Variants in ZNF521 observed in about 807,000 individuals in gnomAD.
ZNF521 encodes LYST-interacting protein 3.
A neutral mutation model predicts 105.5 loss-of-function variants in ZNF521; 14 were observed. The ratio of observed to expected loss-of-function variants is 0.13; its 90% CI spans 0.09 to 0.21. The LOEUF (loss-of-function observed/expected upper bound fraction) is 0.21, where lower values mean the gene tolerates loss of function less well. Ranked by LOEUF, ZNF521 falls within the 10% of genes least tolerant of loss-of-function variation. The pLI, the probability that ZNF521 is intolerant of heterozygous loss-of-function variation, is 1.00. For synonymous variants in ZNF521, 635 were observed against 606.0 expected, an observed-to-expected ratio of 1.05 and a Z score of -0.70; for missense variants, 1,233 against 1,629.7, an observed-to-expected ratio of 0.76 and a Z score of 4.19.
chr18:25,342,530 G>A (rs1051699635), intron 2 of ZNF521, among the ~76,000 whole-genome samples: 9 of 141,500 alleles, frequency 6.4e-5, no homozygotes, highest in Non-Finnish European at 9.4e-5. Context: ...CCAGGTTCCC[G>A]CCATTCTCCT....
Position 25,192,921 on chromosome 18 carries a change from CAATT to C in ZNF521, c.3658+2235_3658+2238del, listed in dbSNP as rs2035844058. 1.3e-5 allele frequency among the ~76,000 whole-genome samples: 2 copies of C among 151,938 alleles called. 1 individual carries two copies. Among genetic ancestry groups the C allele is most frequent in the Non-Finnish European group, 2.9e-5 (2 of 67,974 alleles). On this transcript the variant is annotated intron_variant, in intron 5 of 7. Coordinates refer to ENST00000361524, the MANE Select transcript of ZNF521 (RefSeq NM_015461.3). ...TTGGATGCATGGTCAACAAATAAAA[CAATT>C]AAATGGATGCTACTCATTTGTTTAG... is the stretch of plus-strand genomic sequence containing the variant.
chr18:25,303,589 C>T (rs1018947489), intron 3 of ZNF521, among the ~76,000 whole-genome samples: 4 of 152,130 alleles, frequency 2.6e-5, no homozygotes, highest in Admixed American at 1.3e-4. Flanking sequence ...AGCCACCACG[C>T]CTGGCCTGAA....
chr18:25,221,511 T>C (rs1184135467), intron 4 of ZNF521, among the ~76,000 whole-genome samples: 2 of 152,218 alleles, frequency 1.3e-5, no homozygotes, highest in Admixed American at 6.5e-5. Flanking sequence ...ACCATACCTA[T>C]GTATCCAGGT....
intron 2 of ZNF521, among the ~76,000 whole-genome samples, chr18:25,322,624 T>C (rs1913003420): frequency 6.6e-6 from 1 of 151,358 alleles, no homozygotes; most frequent in South Asian, 2.1e-4. Flanking sequence ...TTACCAGAAT[T>C]AGCCAAAAGT....
intron 2 of ZNF521, among the ~76,000 whole-genome samples, chr18:25,329,321 T>A (rs1294825430): frequency 1.3e-5 from 2 of 152,126 alleles, no homozygotes; most frequent in Non-Finnish European, 2.9e-5. Context: ...TTTCTGCATA[T>A]GTTATTTCAT....
chr18:25,213,514 TTC>T (rs2036229615), intron 4 of ZNF521, among the ~76,000 whole-genome samples: 1 of 152,020 alleles, frequency 6.6e-6, no homozygotes, highest in Non-Finnish European at 1.5e-5. Flanking sequence ...TCATAATGTA[TTC>T]TCTTTTTTAT....
At chr18:25,094,641 T>C (rs1372563909) in intron 5 of ZNF521, among the ~76,000 whole-genome samples, 1 of 152,146 alleles carries the variant, frequency 6.6e-6, no homozygotes, top group Non-Finnish European at 1.5e-5. Context: ...CTGTGAGGTC[T>C]TTCCTAGTTA....
At chr18:25,330,620 C>A (rs908762330) in intron 2 of ZNF521, among the ~76,000 whole-genome samples, 1 of 152,096 alleles carries the variant, frequency 6.6e-6, no homozygotes, top group Non-Finnish European at 1.5e-5. Context: ...AACTGAAAAC[C>A]AAAAGAGACA....
chr18:25,189,182 C>A (rs1484531340), intron 5 of ZNF521, among the ~76,000 whole-genome samples: 1 of 152,098 alleles, frequency 6.6e-6, no homozygotes, highest in Non-Finnish European at 1.5e-5. Context: ...CTTTGAGTTT[C>A]TTTTAAATTG....
At chr18:25,254,029 G>A (rs1487533860) in intron 3 of ZNF521, among the ~76,000 whole-genome samples, 9 of 152,080 alleles carry the variant, frequency 5.9e-5, no homozygotes, top group South Asian at 2.1e-4. Context: ...ATTTTACAGC[G>A]GGAAGCAGCA....
At chr18:25,082,750 G>A (rs1181591164) in intron 7 of ZNF521, 3 of 344,584 alleles carry the variant, frequency 8.7e-6, no homozygotes, top group Admixed American at 3.5e-5. Context: ...GCTAAGGCAG[G>A]AGAATTGCTT....
chr18:25,317,336 A>G (rs1912694560), intron 3 of ZNF521, among the ~76,000 whole-genome samples: 1 of 152,180 alleles, frequency 6.6e-6, no homozygotes, highest in South Asian at 2.1e-4. Context: ...AGGTATTATT[A>G]AAGTTGTATG....
At chr18:25,301,157 A>T (rs1045964539) in intron 3 of ZNF521, among the ~76,000 whole-genome samples, 2 of 152,180 alleles carry the variant, frequency 1.3e-5, no homozygotes, top group African/African-American at 4.8e-5. Context: ...TACATTAGAG[A>T]TGTATTTAAA....
chr18:25,139,773 G>A (rs1354792149), intron 5 of ZNF521, among the ~76,000 whole-genome samples: 1 of 152,176 alleles, frequency 6.6e-6, no homozygotes, highest in African/African-American at 2.4e-5. Flanking sequence ...TGGACTGAAT[G>A]TGTATGTCTC....
At position 25,195,304 on chromosome 18, in the gene ZNF521, T is replaced by C. The variant is rs2035884302; in HGVS notation, c.3574-60A>G. 2.2e-6 allele frequency: 3 copies of C among 1,343,954 alleles called. No individual in the cohort carries two copies. In the East Asian group the frequency reaches 7.5e-5, roughly 34 times the overall value. 83.3% of individuals were successfully genotyped at this position (1,343,954 alleles called of 1,614,324 possible). On this transcript the variant is annotated intron_variant, in intron 4 of 7. Coordinates refer to ENST00000361524, the MANE Select transcript of ZNF521 (RefSeq NM_015461.3). Reference sequence around the variant, plus strand: ...ACATGGACTTTTAATTGTTTCTTTGTTTAAAAAACATTTTTCTGAGATGCT... The same window carrying C: ...ACATGGACTTTTAATTGTTTCTTTGCTTAAAAAACATTTTTCTGAGATGCT...
intron 5 of ZNF521, among the ~76,000 whole-genome samples, chr18:25,153,823 C>A (rs184760054): frequency 2.0e-5 from 3 of 152,264 alleles, no homozygotes; most frequent in Non-Finnish European, 2.9e-5. Flanking sequence ...CTCCAACATG[C>A]CTTTGCACAG....
chr18:25,103,832 G>A (rs2034018330), intron 5 of ZNF521, among the ~76,000 whole-genome samples: 1 of 151,760 alleles, frequency 6.6e-6, no homozygotes, highest in East Asian at 1.9e-4. Flanking sequence ...ATAAGGAAGG[G>A]AGGGAGGAAG....
intron 3 of ZNF521, among the ~76,000 whole-genome samples, chr18:25,232,575 C>T (rs1163043217): frequency 6.6e-6 from 1 of 152,096 alleles, no homozygotes; most frequent in Non-Finnish European, 1.5e-5. Flanking sequence ...AGATAAATAG[C>T]TGGTGATACC....
chr18:25,333,694 G>A (rs915960539), intron 2 of ZNF521, among the ~76,000 whole-genome samples: 3 of 152,286 alleles, frequency 2.0e-5, no homozygotes, highest in South Asian at 4.2e-4. Flanking sequence ...ATCTTTCACA[G>A]CCATGAAGAA....
Sources: allele counts gnomAD v4.1 joint callset (sites outside exome capture counted in the v4.1 genomes callset), GRCh38; gene constraint gnomAD v4.1.1; transcripts MANE v1.5; gene names NCBI Gene and HGNC (gene_info 2026-07-23, HGNC 2026-07-21).